The following FOXN3 variants were observed in gnomAD, a reference collection of about 807,000 sequenced individuals.
FOXN3 encodes forkhead box protein N3.
Under a neutral mutation model 38.4 loss-of-function variants are expected in FOXN3, and 7 were observed. The ratio of observed to expected loss-of-function variants is 0.18; its 90% CI spans 0.10 to 0.34. The LOEUF is 0.34. Among genes scored for constraint, FOXN3 ranks in the 10% least tolerant of loss-of-function variants. The pLI, the probability that FOXN3 is intolerant of heterozygous loss-of-function variation, is 1.00. For missense variants in FOXN3, 456 were observed against 613.4 expected, an observed-to-expected ratio of 0.74 and a Z score of 2.71; for synonymous variants, 230 against 242.2, an observed-to-expected ratio of 0.95 and a Z score of 0.47.
At chr14:89,575,714 A>G (rs1398751380) in intron 1 of FOXN3, among the ~76,000 whole-genome samples, 1 of 152,184 alleles carries the variant, frequency 6.6e-6, no homozygotes, top group African/African-American at 2.4e-5. Flanking sequence ...TTAGCTCCCA[A>G]ATCAGAGGAT....
At chr14:89,177,347 G>C (rs369788369) in intron 5 of FOXN3, among the ~76,000 whole-genome samples, 12 of 152,148 alleles carry the variant, frequency 7.9e-5, no homozygotes, top group African/African-American at 2.9e-4. Context: ...ATCGTAACTT[G>C]CCTAGCTTCT....
intron 1 of FOXN3, among the ~76,000 whole-genome samples, chr14:89,586,823 G>C (rs546967594): frequency 2.0e-5 from 3 of 152,184 alleles, no homozygotes; most frequent in Non-Finnish European, 2.9e-5. Flanking sequence ...ACCCAGATTT[G>C]ATTGTAAGCT....
intron 1 of FOXN3, among the ~76,000 whole-genome samples, chr14:89,536,515 C>T (rs1229272495): frequency 6.6e-6 from 1 of 152,202 alleles, no homozygotes; most frequent in Non-Finnish European, 1.5e-5. Context: ...GGCGCGGTGG[C>T]TCACGCCTAT....
At chr14:89,432,189 A>G (rs1409652308) in intron 1 of FOXN3, among the ~76,000 whole-genome samples, 1 of 152,180 alleles carries the variant, frequency 6.6e-6, no homozygotes, top group Admixed American at 6.5e-5. Context: ...ATTGGTTTGA[A>G]ACTAAGCCAA....
chr14:89,350,483 C>T (rs1888926673), intron 3 of FOXN3, 189 bp downstream of exon 3: 1 of 441,416 alleles, frequency 2.3e-6, no homozygotes, highest in African/African-American at 2.0e-5. Context: ...TCCTCTGACG[C>T]TGCAGCAGCG....
At chr14:89,285,863 ATTT>A (rs34767285) in intron 3 of FOXN3, among the ~76,000 whole-genome samples, 8 of 146,012 alleles carry the variant, frequency 5.5e-5, no homozygotes, top group African/African-American at 1.0e-4. Context: ...TTTACCAAAA[ATTT>A]TTTTTTTTTT....
rs538274701 is a variant in FOXN3, at chr14:89,261,791, G to A, written c.745+19159C>T. On this transcript the variant is annotated intron_variant, in intron 4 of 5. Transcript: ENST00000557258. ...AAAAATACAAAAATTAGCTGGGCGT[G>A]GTGACAGGCGCCTATAGTCCCAGCT... Among the ~76,000 whole-genome samples, 307 of 152,266 alleles carry A rather than the reference G, an allele frequency of 2.0e-3. 1 individual carries two copies. Among genetic ancestry groups the A allele is most frequent in the African/African-American group, 6.9e-3 (287 of 41,540 alleles).
At chr14:89,440,521 G>A (rs1366061292) in intron 1 of FOXN3, among the ~76,000 whole-genome samples, 5 of 152,146 alleles carry the variant, frequency 3.3e-5, no homozygotes, top group Admixed American at 6.5e-5. Context: ...GTAAATGGCC[G>A]GTTCTTGCCT....
At chr14:89,441,285 A>T (rs764546495) in intron 1 of FOXN3, among the ~76,000 whole-genome samples, 2 of 152,044 alleles carry the variant, frequency 1.3e-5, no homozygotes, top group Non-Finnish European at 2.9e-5. Flanking sequence ...ATTCACTAAC[A>T]CCAGTCTCTC....
intron 3 of FOXN3, among the ~76,000 whole-genome samples, chr14:89,288,612 T>C (rs1886712329): frequency 6.8e-6 from 1 of 146,354 alleles, no homozygotes; most frequent in Non-Finnish European, 1.5e-5. Context: ...TACACAGATA[T>C]AGAAGATATT....
intron 4 of FOXN3, among the ~76,000 whole-genome samples, chr14:89,249,733 C>T (rs1242036234): frequency 6.6e-5 from 10 of 152,240 alleles, no homozygotes; most frequent in South Asian, 6.2e-4. Context: ...ATAAAAGACA[C>T]GGTGGTGTAT....
rs1887518743 is a variant in FOXN3, at chr14:89,176,393, C to A, written c.851+4308G>T. Among the ~76,000 whole-genome samples the A allele has an allele frequency of 2.0e-5, 3 of 152,190 alleles. No individual in the cohort carries two copies. The South Asian group carries it at 6.2e-4, about 31-fold the overall frequency. On this transcript the variant is annotated intron_variant, in intron 5 of 5. Coordinates refer to ENST00000557258, the MANE Select transcript of FOXN3 (RefSeq NM_005197.4). Reference sequence around the variant, plus strand: ...AAAATCCCTGAAAGACAAATATTTTCACTTAAGGAGAAGTCGCTTAGATTC... The same window carrying A: ...AAAATCCCTGAAAGACAAATATTTTAACTTAAGGAGAAGTCGCTTAGATTC...
intron 4 of FOXN3, 99 bp from the exon 5 acceptor site, chr14:89,180,905 A>T: frequency 1.0e-6 from 1 of 975,872 alleles, no homozygotes; most frequent in Non-Finnish European, 1.5e-6. Flanking sequence ...AGAGAGAGAG[A>T]GAGACAGAGG....
chr14:89,300,581 TG>T lies in FOXN3; in HGVS notation c.681-19568del, dbSNP rs1334644446. Among the ~76,000 whole-genome samples the T allele has an allele frequency of 2.6e-5, 4 of 152,360 alleles. No individual in the cohort carries two copies. In the East Asian group the frequency reaches 7.7e-4, roughly 29 times the overall value. On this transcript the variant is annotated intron_variant, in intron 3 of 5. Coordinates refer to ENST00000557258, the MANE Select transcript of FOXN3 (RefSeq NM_005197.4). ...CACAGACAAGAAAATAACCTATTTG[TG>T]GAGAAATTGTGATTTCCCTTGATTA... is the stretch of plus-strand genomic sequence containing the variant.
At chr14:89,470,768 G>C (rs180700570) in intron 1 of FOXN3, among the ~76,000 whole-genome samples, 5 of 152,244 alleles carry the variant, frequency 3.3e-5, no homozygotes, top group Admixed American at 3.3e-4. Flanking sequence ...TCCCAAGCAC[G>C]GAGATTTTCA....
At position 89,417,000 on chromosome 14, in the gene FOXN3, C is replaced by A. The variant is rs1313391503; in HGVS notation, c.-144G>T. The A allele has an allele frequency of 6.9e-6, 1 of 145,632 alleles. No individual in the cohort carries two copies. The highest frequency in any genetic ancestry group is 1.5e-5 in the Non-Finnish European group (1 of 65,546). The allele number at this position is 145,632 out of a possible 1,614,324, so 9.0% of individuals were successfully genotyped here. A position where few individuals can be genotyped will look rare whatever the true frequency, so the allele number is the denominator to read the frequency against. The stretch of plus-strand genomic sequence containing the variant: ...GGACGCGCGGGCGCGGCGCGGCGAG[C>A]CCGGGGCGGCGGGCGGCGGGGGGCG... On this transcript the variant is annotated 5_prime_UTR_variant, in exon 1 of 6. Coordinates refer to ENST00000557258, the MANE Select transcript of FOXN3 (RefSeq NM_005197.4).
rs1222130077 is a variant in FOXN3 at position 89,159,088 on chromosome 14, T to G, written c.*3326A>C. ...TGAATGACACTTAAGCAAAATATTC[T>G]TTCACAAATAGGCTTGTGCTTAAAT... On this transcript the variant is annotated 3_prime_UTR_variant, in exon 6 of 6. Coordinates refer to ENST00000557258, the MANE Select transcript of FOXN3 (RefSeq NM_005197.4). The G allele has an allele frequency of 6.6e-6, 1 of 152,664 alleles. No individual in the cohort carries two copies. The highest frequency in any genetic ancestry group is 1.5e-5 in the Non-Finnish European group (1 of 68,050). 9.5% of individuals were successfully genotyped at this position (152,664 alleles called of 1,614,324 possible).
chr14:89,160,890 A>C lies in FOXN3; in HGVS notation c.*1524T>G, dbSNP rs1887081287. The C allele has an allele frequency of 6.6e-6, 1 of 152,220 alleles. No individual in the cohort carries two copies. The highest frequency in any genetic ancestry group is 6.5e-5 in the Admixed American group (1 of 15,268). The allele number at this position is 152,220 out of a possible 1,614,324, so 9.4% of individuals were successfully genotyped here. A position where few individuals can be genotyped will look rare whatever the true frequency, so the allele number is the denominator to read the frequency against. ...CCAAAACAAAATAACCCGAAAAAAAAACAAAAACAAAAAACAAAAACAAAA... is the reference window on the plus strand; with the variant it reads ...CCAAAACAAAATAACCCGAAAAAAACACAAAAACAAAAAACAAAAACAAAA... On this transcript the variant is annotated 3_prime_UTR_variant, in exon 6 of 6. Coordinates refer to ENST00000557258, the MANE Select transcript of FOXN3 (RefSeq NM_005197.4).
At chr14:89,570,726 G>T (rs1261933947) in intron 1 of FOXN3, among the ~76,000 whole-genome samples, 2 of 151,360 alleles carry the variant, frequency 1.3e-5, no homozygotes, top group African/African-American at 4.9e-5. Context: ...ATTACTGTTA[G>T]TGTATTTTAT....
Sources: gnomAD v4.1 joint callset for allele counts (sites outside exome capture counted in the v4.1 genomes callset) on GRCh38, gnomAD v4.1.1 for gene constraint, MANE v1.5 for transcripts, NCBI Gene and HGNC (gene_info 2026-07-23, HGNC 2026-07-21) for gene names.